The following NR1H4 variants were observed in gnomAD, a reference collection of about 807,000 sequenced individuals.
NR1H4 encodes the protein nuclear receptor subfamily 1 group H member 4, also known as bile acid receptor.
A neutral mutation model predicts 58.5 loss-of-function variants in NR1H4; 23 were observed. The ratio of observed to expected loss-of-function variants is 0.39; its 90% confidence interval spans 0.28 to 0.56. NR1H4 has a LOEUF of 0.56. Ranked by LOEUF, NR1H4 falls within the 20% of genes least tolerant of loss-of-function variation. The pLI, the probability that NR1H4 is intolerant of heterozygous loss-of-function variation, is 0.58. For missense variants in NR1H4, 487 were observed against 576.9 expected, an observed-to-expected ratio of 0.84 and a Z score of 1.60; for synonymous variants, 214 against 198.0, an observed-to-expected ratio of 1.08 and a Z score of -0.68.
At chr12:100,503,497 G>A (rs1953884946) in intron 3 of NR1H4, 3 of 1,591,722 alleles carry the variant, frequency 1.9e-6, no homozygotes, top group African/African-American at 1.3e-5. Context: ...CCCGCGAAAG[G>A]TAGGACACTG....
Position 100,563,644 on chromosome 12 carries a change from T to C in NR1H4, c.*155T>C, listed in dbSNP as rs543341510. The C allele has an allele frequency of 2.4e-5, 16 of 674,394 alleles. 1 individual carries two copies. The South Asian group carries it at 2.6e-4, about 11-fold the overall frequency. The allele number at this position is 674,394 out of a possible 1,614,324, so 41.8% of individuals were successfully genotyped here. On this transcript the variant is annotated 3_prime_UTR_variant, in exon 11 of 11. Transcript: ENST00000392986. ...TGTGTAACTTCCACAACTGTAAATA[T>C]TGGGCTAGATAGAACAACTTTCTCT... is the stretch of plus-strand genomic sequence containing the variant.
Position 100,497,560 on chromosome 12 carries a change from G to A in NR1H4, c.79+4158G>A, listed in dbSNP as rs182137518. 1.9e-4 allele frequency among the ~76,000 whole-genome samples: 29 copies of A among 152,246 alleles called. 1 individual carries two copies. The highest frequency in any genetic ancestry group is 1.6e-3 in the Admixed American group (24 of 15,286). ...CCAGACATCCCTGACAAATCCAGAC[G>A]GAAATCTAGCCCGTCGGTAACTGAA... On this transcript the variant is annotated intron_variant, in intron 3 of 10. Coordinates refer to ENST00000392986, the MANE Select transcript of NR1H4 (RefSeq NM_001206979.2).
chr12:100,503,558 G>T, intron 3 of NR1H4: 1 of 1,458,018 alleles, frequency 6.9e-7, no homozygotes, highest in East Asian at 2.4e-5. Flanking sequence ...AGGAAATCTG[G>T]GGACTTTGGT....
intron 9 of NR1H4, among the ~76,000 whole-genome samples, chr12:100,554,382 A>G (rs966411836): frequency 7.1e-6 from 1 of 140,272 alleles, no homozygotes; most frequent in African/African-American, 2.8e-5. Context: ...TAATATGCAT[A>G]CTTGTAAATA....
chr12:100,484,881 C>T (rs1486581394), intron 1 of NR1H4, among the ~76,000 whole-genome samples: 4 of 152,144 alleles, frequency 2.6e-5, no homozygotes, highest in Admixed American at 6.6e-5. Context: ...TTCCTCAAAG[C>T]TTTAAGAATG....
intron 3 of NR1H4, 91 bp from the exon 4 acceptor site, chr12:100,510,687 A>C: frequency 7.6e-7 from 1 of 1,313,334 alleles, no homozygotes; most frequent in Non-Finnish European, 1.1e-6. Context: ...ATCTTTTCTT[A>C]GAGCCCACAC....
intron 3 of NR1H4, among the ~76,000 whole-genome samples, chr12:100,506,406 G>C (rs561652358): frequency 6.6e-6 from 1 of 152,134 alleles, no homozygotes; most frequent in African/African-American, 2.4e-5. Context: ...GGCCATGCTG[G>C]TTCTTTGGTT....
chr12:100,521,235 T>C (rs184824440), intron 4 of NR1H4, among the ~76,000 whole-genome samples: 2 of 152,312 alleles, frequency 1.3e-5, no homozygotes, highest in Admixed American at 1.3e-4. Flanking sequence ...TGTCTCAGTG[T>C]TTTATTTGTC....
intron 1 of NR1H4, among the ~76,000 whole-genome samples, chr12:100,475,582 C>T (rs189575881): frequency 6.6e-6 from 1 of 152,222 alleles, no homozygotes; most frequent in East Asian, 1.9e-4. Flanking sequence ...GTTGTGAGGC[C>T]TTTGTACTCT....
intron 9 of NR1H4, among the ~76,000 whole-genome samples, chr12:100,557,512 A>G (rs912166070): frequency 2.6e-5 from 4 of 152,202 alleles, no homozygotes; most frequent in African/African-American, 9.7e-5. Flanking sequence ...TTGTGTAATG[A>G]TGTGATTTGG....
intron 9 of NR1H4, among the ~76,000 whole-genome samples, chr12:100,551,169 A>T (rs1955195236): frequency 6.6e-6 from 1 of 152,258 alleles, no homozygotes; most frequent in Admixed American, 6.5e-5. Context: ...GTTGAGAGAT[A>T]AAGTATAAGC....
intron 3 of NR1H4, among the ~76,000 whole-genome samples, chr12:100,495,193 C>T (rs1011329227): frequency 6.6e-6 from 1 of 152,202 alleles, no homozygotes; most frequent in Non-Finnish European, 1.5e-5. Flanking sequence ...TATTCCATTT[C>T]CTAACACTGC....
At chr12:100,559,685 C>T (rs1169876680) in intron 9 of NR1H4, among the ~76,000 whole-genome samples, 2 of 152,342 alleles carry the variant, frequency 1.3e-5, no homozygotes, top group South Asian at 2.1e-4. Flanking sequence ...GGCTCCTGTG[C>T]GGCCCAAGCC....
At chr12:100,478,189 G>A (rs1285576790) in intron 1 of NR1H4, among the ~76,000 whole-genome samples, 1 of 151,948 alleles carries the variant, frequency 6.6e-6, no homozygotes, top group East Asian at 1.9e-4. Flanking sequence ...TGTGTGTGGG[G>A]GGTGGGGGAG....
At chr12:100,535,748 C>T (rs967803820) in intron 6 of NR1H4, among the ~76,000 whole-genome samples, 1 of 152,126 alleles carries the variant, frequency 6.6e-6, no homozygotes, top group Admixed American at 6.6e-5. Flanking sequence ...CATTATTTTG[C>T]CATAGTGCTT....
chr12:100,517,539 GAT>G (rs1353017748), intron 4 of NR1H4, among the ~76,000 whole-genome samples: 5 of 152,176 alleles, frequency 3.3e-5, no homozygotes, highest in African/African-American at 1.2e-4. Flanking sequence ...TTCCTGTGGA[GAT>G]ATACCCTGTG....
chr12:100,477,089 C>G (rs1317652857), intron 1 of NR1H4, among the ~76,000 whole-genome samples: 1 of 152,142 alleles, frequency 6.6e-6, no homozygotes, highest in African/African-American at 2.4e-5. Context: ...TTCTCTCACC[C>G]TGCTCTGGAA....
Position 100,563,564 on chromosome 12 carries a change from A to C in NR1H4, c.*75A>C. The stretch of plus-strand genomic sequence containing the variant: ...CTGATGTATAACTTTCCTTTATTTC[A>C]CTTGTACCCAGTTTCACTCAAGAAA... On this transcript the variant is annotated 3_prime_UTR_variant, in exon 11 of 11. Transcript: ENST00000392986. 8.8e-7 allele frequency: 1 copy of C among 1,141,814 alleles called. No individual in the cohort carries two copies. The highest frequency in any genetic ancestry group is 1.3e-6 in the Non-Finnish European group (1 of 752,672). The allele number at this position is 1,141,814 out of a possible 1,614,324, so 70.7% of individuals were successfully genotyped here.
chr12:100,503,039 C>CTTCCATTTTAAATCATACCA (rs1274721666), intron 3 of NR1H4, among the ~76,000 whole-genome samples: 7 of 152,270 alleles, frequency 4.6e-5, no homozygotes, highest in Non-Finnish European at 1.5e-5. Context: ...GCTTTAAATT[C>CTTCCATTTTAAATCATACCA]TTCCATTTTA....
Sources: gnomAD v4.1 joint callset for allele counts (sites outside exome capture counted in the v4.1 genomes callset) on GRCh38, gnomAD v4.1.1 for gene constraint, MANE v1.5 for transcripts, NCBI Gene and HGNC (gene_info 2026-07-23, HGNC 2026-07-21) for gene names.